JMJD1C: variants seen among roughly 807,000 people sequenced by gnomAD.
JMJD1C encodes the protein jumonji domain containing 1C, also known as jumonji domain-containing protein 1C.
JMJD1C carries 31 observed loss-of-function variants against 245.3 expected under a neutral mutation model. The observed-to-expected ratio is 0.13, with a 90% CI of 0.09 to 0.17. The LOEUF is 0.17. Ranked by LOEUF, JMJD1C falls within the 10% of genes least tolerant of loss-of-function variation. The pLI is 1.00. For missense variants in JMJD1C, 2,691 were observed against 3,000.2 expected, an observed-to-expected ratio of 0.90 and a Z score of 2.41; for synonymous variants, 1,057 against 1,017.4, an observed-to-expected ratio of 1.04 and a Z score of -0.74.
intron 17 of JMJD1C, among the ~76,000 whole-genome samples, 175 bp from the exon 18 acceptor site, chr10:63,189,621 G>C (rs1451439049): frequency 6.6e-6 from 1 of 152,136 alleles, no homozygotes; most frequent in Admixed American, 6.6e-5. Flanking sequence ...CTGGTTGTGT[G>C]AGAACTGCCA....
Position 63,217,366 on chromosome 10 carries a change from AT to A in JMJD1C, c.554-36del, listed in dbSNP as rs777806959. On this transcript the variant is annotated intron_variant, in intron 4 of 25. Transcript: ENST00000399262. ...AACACAAGAAACAGAAACATCTTAAATGGAGACATCTTCATTTAATAACTGC... is the reference window on the plus strand; with the variant it reads ...AACACAAGAAACAGAAACATCTTAAAGGAGACATCTTCATTTAATAACTGC... The A allele has an allele frequency of 6.0e-6, 9 of 1,512,184 alleles. No homozygotes were observed. The Admixed American group carries it at 1.3e-4, about 21-fold the overall frequency. 93.7% of individuals were successfully genotyped at this position (1,512,184 alleles called of 1,614,324 possible).
chr10:63,290,735 A>G (rs1858567899), intron 2 of JMJD1C, among the ~76,000 whole-genome samples: 1 of 152,140 alleles, frequency 6.6e-6, no homozygotes, highest in African/African-American at 2.4e-5. Flanking sequence ...ACTGTAGCAA[A>G]ATGCTTGCAA....
intron 2 of JMJD1C, among the ~76,000 whole-genome samples, chr10:63,343,099 C>T (rs1354318445): frequency 1.3e-5 from 2 of 152,134 alleles, no homozygotes; most frequent in East Asian, 1.9e-4. Context: ...CAGTGGCTCG[C>T]GTCTGCAATC....
chr10:63,183,321 C>T (rs1040420010), intron 22 of JMJD1C, 126 bp downstream of exon 22: 8 of 741,900 alleles, frequency 1.1e-5, no homozygotes, highest in African/African-American at 9.1e-5. Context: ...GCTAAAATGC[C>T]CCTACATCCA....
intron 1 of JMJD1C, among the ~76,000 whole-genome samples, chr10:63,419,890 C>A (rs1950022564): frequency 6.7e-6 from 1 of 149,238 alleles, no homozygotes; most frequent in Non-Finnish European, 1.5e-5. Flanking sequence ...GTAATCCCAG[C>A]ACTTTGAGAG....
intron 1 of JMJD1C, among the ~76,000 whole-genome samples, chr10:63,389,539 A>C (rs981800977): frequency 4.6e-5 from 7 of 151,604 alleles, no homozygotes; most frequent in African/African-American, 1.5e-4. Flanking sequence ...TGCACATTAG[A>C]CCAAATGGAC....
intron 3 of JMJD1C, among the ~76,000 whole-genome samples, chr10:63,236,743 G>A (rs1589242478): frequency 6.6e-6 from 1 of 152,252 alleles, no homozygotes; most frequent in South Asian, 2.1e-4. Context: ...TGGGAAGCTG[G>A]GGAGGGAGGT....
At position 63,357,497 on chromosome 10, in the gene JMJD1C, G is replaced by A. The variant is rs112097934; in HGVS notation, c.333+22821C>T. 3.8e-3 allele frequency among the ~76,000 whole-genome samples: 581 copies of A among 151,998 alleles called. 5 individuals carry two copies. Among genetic ancestry groups the A allele is most frequent in the African/African-American group, 0.013 (545 of 41,432 alleles). On this transcript the variant is annotated intron_variant, in intron 2 of 25. Coordinates refer to ENST00000399262, the MANE Select transcript of JMJD1C (RefSeq NM_032776.3). ...ATTTTTGTATTTTTAGTAGAGACGG[G>A]GTTTCACCATGCTGGCCAGGCTAGT...
At chr10:63,353,461 G>C (rs550953438) in intron 2 of JMJD1C, among the ~76,000 whole-genome samples, 1 of 152,268 alleles carries the variant, frequency 6.6e-6, no homozygotes, top group East Asian at 1.9e-4. Flanking sequence ...TTTTTATTTG[G>C]AAATATATTC....
chr10:63,298,312 G>C (rs963005012), intron 2 of JMJD1C, among the ~76,000 whole-genome samples: 8 of 152,176 alleles, frequency 5.3e-5, no homozygotes, highest in African/African-American at 1.9e-4. Flanking sequence ...ACTGGCCACA[G>C]AATTTCCAGC....
At chr10:63,455,029 T>C (rs1165968203) in intron 1 of JMJD1C, among the ~76,000 whole-genome samples, 2 of 152,224 alleles carry the variant, frequency 1.3e-5, no homozygotes, top group African/African-American at 4.8e-5. Context: ...CTTGATTACA[T>C]ATGCCTGGGA....
chr10:63,193,530 AT>A (rs1210767670), intron 14 of JMJD1C, 58 bp from the exon 15 acceptor site: 10 of 1,283,656 alleles, frequency 7.8e-6, no homozygotes, highest in African/African-American at 4.5e-5. Context: ...ATGCTGTAAA[AT>A]TTTTTTCTTA....
At chr10:63,411,041 C>T (rs1488820880) in intron 1 of JMJD1C, among the ~76,000 whole-genome samples, 1 of 152,150 alleles carries the variant, frequency 6.6e-6, no homozygotes, top group Admixed American at 6.5e-5. Flanking sequence ...TGTTTCCATC[C>T]ACCAAATTTG....
At chr10:63,334,461 T>C (rs1191334657) in intron 2 of JMJD1C, among the ~76,000 whole-genome samples, 1 of 152,144 alleles carries the variant, frequency 6.6e-6, no homozygotes, top group Non-Finnish European at 1.5e-5. Flanking sequence ...TTGTTAAATC[T>C]TGTTCCACCA....
chr10:63,326,618 G>A (rs918493386), intron 2 of JMJD1C, among the ~76,000 whole-genome samples: 7 of 151,882 alleles, frequency 4.6e-5, no homozygotes, highest in African/African-American at 1.5e-4. Flanking sequence ...AGTGGCTCAC[G>A]CGTGTAATCC....
At chr10:63,451,706 G>GGAT (rs1418234226) in intron 1 of JMJD1C, among the ~76,000 whole-genome samples, 3 of 152,062 alleles carry the variant, frequency 2.0e-5, no homozygotes, top group African/African-American at 7.2e-5. Context: ...GACCATCCAT[G>GGAT]GATTTGGGGG....
At chr10:63,338,992 T>C (rs1233549015) in intron 2 of JMJD1C, among the ~76,000 whole-genome samples, 1 of 152,182 alleles carries the variant, frequency 6.6e-6, no homozygotes, top group African/African-American at 2.4e-5. Context: ...GAAAGATTAT[T>C]GTTTCACTTT....
At chr10:63,218,022 A>C (rs1012892841) in intron 4 of JMJD1C, among the ~76,000 whole-genome samples, 3 of 152,120 alleles carry the variant, frequency 2.0e-5, no homozygotes, top group African/African-American at 7.2e-5. Context: ...TACTGAGATG[A>C]AAACGATCTT....
chr10:63,189,146 T>C (rs780606542), intron 18 of JMJD1C, 22 bp downstream of exon 18: 29 of 1,572,122 alleles, frequency 1.8e-5, no homozygotes, highest in African/African-American at 2.7e-5. Flanking sequence ...AAGAGTGTTC[T>C]TTATCAGCCT....
Sources: allele counts gnomAD v4.1 joint callset (sites outside exome capture counted in the v4.1 genomes callset), GRCh38; gene constraint gnomAD v4.1.1; transcripts MANE v1.5; gene names NCBI Gene and HGNC (gene_info 2026-07-23, HGNC 2026-07-21).